The following CSMD1 variants were observed in gnomAD, a reference collection of about 807,000 sequenced individuals.
CSMD1 encodes CUB and Sushi multiple domains 1.
A neutral mutation model predicts 417.5 loss-of-function variants in CSMD1; 213 were observed. The observed-to-expected ratio is 0.51, with a 90% CI of 0.46 to 0.57. CSMD1 has a LOEUF of 0.57. CSMD1 is among the 20% of genes least tolerant of loss of function. The probability of loss-of-function intolerance (pLI) is 0.00; values close to 1 mark genes in which losing one functional copy is unlikely to be tolerated. For missense variants in CSMD1, 6,923 were observed against 4,529.7 expected, an observed-to-expected ratio of 1.53 and a Z score of -15.17; for synonymous variants, 2,862 against 1,736.8, an observed-to-expected ratio of 1.65 and a Z score of -16.11.
chr8:4,234,306 G>A (rs1225523185), intron 3 of CSMD1, among the ~76,000 whole-genome samples: 1 of 152,134 alleles, frequency 6.6e-6, no homozygotes. Context: ...CATAGAGCTG[G>A]CGATTGCAGA....
intron 9 of CSMD1, among the ~76,000 whole-genome samples, chr8:3,578,561 T>C (rs1253011933): frequency 6.6e-6 from 1 of 152,198 alleles, no homozygotes; most frequent in Admixed American, 6.5e-5. Flanking sequence ...CAAATTTATC[T>C]GATGTTCTGG....
intron 5 of CSMD1, among the ~76,000 whole-genome samples, chr8:3,971,815 G>A (rs1042843146): frequency 2.6e-5 from 4 of 152,162 alleles, no homozygotes; most frequent in African/African-American, 9.7e-5. Context: ...TACTTTCTCT[G>A]TCTGTTGCAT....
chr8:3,549,454 C>G (rs533050355), intron 10 of CSMD1, among the ~76,000 whole-genome samples: 14 of 152,316 alleles, frequency 9.2e-5, no homozygotes, highest in African/African-American at 3.1e-4. Flanking sequence ...CATGGAAACT[C>G]AGCCCCTCAT....
intron 1 of CSMD1, among the ~76,000 whole-genome samples, chr8:4,895,277 A>G (rs1375654966): frequency 6.6e-6 from 1 of 152,140 alleles, no homozygotes; most frequent in Admixed American, 6.5e-5. Context: ...GTGTGTTACG[A>G]TTATGAAAAT....
intron 5 of CSMD1, among the ~76,000 whole-genome samples, chr8:3,837,579 C>A (rs1473600421): frequency 6.6e-6 from 1 of 152,110 alleles, no homozygotes; most frequent in African/African-American, 2.4e-5. Flanking sequence ...CTTGAAATGA[C>A]TGACAAGTAA....
rs191133876 is a variant in CSMD1, at chr8:4,128,043, T to G, written c.416-95944A>C. Among the ~76,000 whole-genome samples, 399 of 152,302 alleles carry G rather than the reference T, an allele frequency of 2.6e-3. 1 individual carries two copies. Among genetic ancestry groups the G allele is most frequent in the African/African-American group, 9.3e-3 (387 of 41,556 alleles). On this transcript the variant is annotated intron_variant, in intron 3 of 69. Coordinates refer to ENST00000635120, the MANE Select transcript of CSMD1 (RefSeq NM_033225.6). ...CACATTTTATATTCTTCAGGTGATT[T>G]ATAACATCTCAAGAGCAGTGGACAA...
chr8:4,587,455 ATATG>A (rs1055506301), intron 2 of CSMD1, among the ~76,000 whole-genome samples: 6 of 151,830 alleles, frequency 4.0e-5, no homozygotes. Context: ...ATGTACATAT[ATATG>A]TATATGTAGA....
intron 5 of CSMD1, among the ~76,000 whole-genome samples, chr8:3,932,869 T>C (rs1322318809): frequency 6.6e-6 from 1 of 150,506 alleles, no homozygotes; most frequent in South Asian, 2.1e-4. Flanking sequence ...TTGTGTAAAG[T>C]TAAATGTTTT....
chr8:4,690,700 C>T (rs1231452679), intron 1 of CSMD1, among the ~76,000 whole-genome samples: 2 of 152,100 alleles, frequency 1.3e-5, no homozygotes, highest in Admixed American at 1.3e-4. Context: ...CATTATACTG[C>T]AGTTGTTTCA....
intron 23 of CSMD1, among the ~76,000 whole-genome samples, chr8:3,338,222 T>A (rs1807402882): frequency 6.6e-6 from 1 of 152,142 alleles, no homozygotes. Context: ...GCCTGTCTCA[T>A]CTCCATGTCC....
chr8:4,886,491 A>G (rs1803748971), intron 1 of CSMD1, among the ~76,000 whole-genome samples: 3 of 151,976 alleles, frequency 2.0e-5, no homozygotes, highest in Admixed American at 2.0e-4. Flanking sequence ...GTTTATTGGC[A>G]TCAAATTTCT....
intron 49 of CSMD1, among the ~76,000 whole-genome samples, chr8:3,072,947 T>A (rs1235637953): frequency 6.6e-6 from 1 of 152,120 alleles, no homozygotes; most frequent in Non-Finnish European, 1.5e-5. Context: ...ATAGACAAAA[T>A]TGGCTTGGAA....
intron 1 of CSMD1, among the ~76,000 whole-genome samples, chr8:4,921,604 C>T (rs1806504110): frequency 6.6e-6 from 1 of 151,966 alleles, no homozygotes. Context: ...TCCAAAATAC[C>T]TTTTATTTTA....
intron 5 of CSMD1, among the ~76,000 whole-genome samples, chr8:3,952,148 G>C (rs968995338): frequency 6.6e-6 from 1 of 152,058 alleles, no homozygotes; most frequent in Non-Finnish European, 1.5e-5. Flanking sequence ...AAGTATGGTC[G>C]CAGAAACCTT....
intron 5 of CSMD1, among the ~76,000 whole-genome samples, chr8:3,901,144 C>G (rs1400246508): frequency 6.6e-6 from 1 of 152,146 alleles, no homozygotes; most frequent in Non-Finnish European, 1.5e-5. Flanking sequence ...GTACTGATAA[C>G]CGTGGAGAAA....
chr8:3,205,641 G>C (rs771616920), intron 30 of CSMD1, 21 bp from the exon 31 acceptor site: 7 of 1,252,792 alleles, frequency 5.6e-6, no homozygotes, highest in African/African-American at 3.0e-5. Context: ...AATCAACCGA[G>C]AATTAGTCGC....
intron 2 of CSMD1, among the ~76,000 whole-genome samples, chr8:4,480,294 G>C (rs1461190342): frequency 6.6e-6 from 1 of 152,034 alleles, no homozygotes; most frequent in East Asian, 1.9e-4. Flanking sequence ...GGATGAATTT[G>C]CACAAATCAC....
At chr8:4,758,731 A>AAAC (rs1417346355) in intron 1 of CSMD1, among the ~76,000 whole-genome samples, 3 of 152,172 alleles carry the variant, frequency 2.0e-5, no homozygotes, top group Non-Finnish European at 4.4e-5. Context: ...AGCCCAGGGG[A>AAAC]AACTGCCATT....
At chr8:3,305,941 A>G (rs190929520) in intron 25 of CSMD1, among the ~76,000 whole-genome samples, 80 of 152,288 alleles carry the variant, frequency 5.3e-4, no homozygotes, top group African/African-American at 1.8e-3. Flanking sequence ...TGGCCTCCCA[A>G]GGTGCTGGGA....
Sources: gnomAD v4.1 joint callset for allele counts (sites outside exome capture counted in the v4.1 genomes callset) on GRCh38, gnomAD v4.1.1 for gene constraint, MANE v1.5 for transcripts, NCBI Gene and HGNC (gene_info 2026-07-23, HGNC 2026-07-21) for gene names.